Variants in PCDHGA7 observed in about 807,000 individuals in gnomAD.
PCDHGA7 encodes the protein protocadherin gamma subfamily A, 7.
Under a neutral mutation model 58.3 loss-of-function variants are expected in PCDHGA7, and 44 were observed. The observed-to-expected ratio is 0.75, with a 90% CI of 0.59 to 0.97. The LOEUF (loss-of-function observed/expected upper bound fraction) is 0.97. Ranked by LOEUF, PCDHGA7 falls within the 50% of genes least tolerant of loss-of-function variation. The probability of loss-of-function intolerance (pLI) is 0.00; values close to 1 mark genes in which losing one functional copy is unlikely to be tolerated. For missense variants in PCDHGA7, 1,266 were observed against 1,188.7 expected, an observed-to-expected ratio of 1.06 and a Z score of -0.96; for synonymous variants, 516 against 504.2, an observed-to-expected ratio of 1.02 and a Z score of -0.31.
intron 1 of PCDHGA7, chr5:141,408,622 A>C (rs1481022505): frequency 6.2e-7 from 1 of 1,614,070 alleles, no homozygotes; most frequent in Admixed American, 1.7e-5. Flanking sequence ...AAATACATTT[A>C]GAAATTTTCG....
At chr5:141,392,303 A>G (rs2092505903) in intron 1 of PCDHGA7, 1 of 151,852 alleles carries the variant, frequency 6.6e-6, no homozygotes, top group South Asian at 2.1e-4. Context: ...TGAAAGTATC[A>G]TGTTTTTTTT....
At chr5:141,447,938 T>G in intron 1 of PCDHGA7, among the ~76,000 whole-genome samples, 1 of 151,870 alleles carries the variant, frequency 6.6e-6, no homozygotes, top group Admixed American at 6.6e-5. Flanking sequence ...ATACAAAAAT[T>G]AGCTGGGCAT....
chr5:141,438,579 CATACATACATACATATAT>C (rs1303045573), intron 1 of PCDHGA7, among the ~76,000 whole-genome samples: 21 of 55,772 alleles, frequency 3.8e-4, no homozygotes, highest in Admixed American at 1.1e-3. Context: ...GATATACATA[CATACATACATACATATAT>C]ATATATATAT....
chr5:141,505,362 G>A (rs766427680), intron 2 of PCDHGA7, 31 bp from the exon 3 acceptor site: 1 of 1,613,966 alleles, frequency 6.2e-7, no homozygotes, highest in Non-Finnish European at 8.5e-7. Flanking sequence ...CGGCCTGGGA[G>A]TCTGTGCTCA....
rs758439978 is a variant in PCDHGA7 at position 141,415,219 on chromosome 5, T to C, written c.2424+29896T>C. ...CCAAGTCCTGGCGGACCTCGGCAGC[T>C]TCGAGTCTCCAGCTAACTCTGAAAC... On this transcript the variant is annotated intron_variant, in intron 1 of 3. Coordinates refer to ENST00000518325, the MANE Select transcript of PCDHGA7 (RefSeq NM_018920.4). 42 of 1,613,954 alleles carry C rather than the reference T, an allele frequency of 2.6e-5. No individual in the cohort carries two copies. Among genetic ancestry groups the C allele is most frequent in the South Asian group, 9.9e-5 (9 of 91,088 alleles).
At chr5:141,427,557 A>G (rs1437024906) in intron 1 of PCDHGA7, 1 of 650,060 alleles carries the variant, frequency 1.5e-6, no homozygotes, top group Non-Finnish European at 2.8e-6. Flanking sequence ...TGCCACTGAC[A>G]AGGGCAAGCC....
intron 1 of PCDHGA7, chr5:141,468,629 G>A (rs1170355107): frequency 1.3e-5 from 2 of 152,140 alleles, no homozygotes; most frequent in African/African-American, 4.8e-5. Flanking sequence ...CACTTTGGGA[G>A]GCCGAGGTGG....
Position 141,510,968 on chromosome 5 carries a change from C to A in PCDHGA7, c.2594C>A (p.Thr865Asn). 1 of 1,614,150 alleles carries A rather than the reference C, an allele frequency of 6.2e-7. No individual in the cohort carries two copies. The highest frequency in any genetic ancestry group is 8.5e-7 in the Non-Finnish European group (1 of 1,180,014). The change falls in exon 4 of 4, where the codon ACC becomes AAC. Residue 865 changes from threonine (T) to asparagine (N), a missense_variant. Transcript: ENST00000518325. ...SASEAADGSS[T>N]LGGGAGTMGL... ...GCAGAAGCTGCTGATGGGAGCTCCA[C>A]CCTGGGAGGGGGTGCCGGCACCATG...
At chr5:141,409,030 GAT>G in intron 1 of PCDHGA7, 1 of 1,614,010 alleles carries the variant, frequency 6.2e-7, no homozygotes, top group Non-Finnish European at 8.5e-7. Context: ...TCAATGCTGA[GAT>G]AAACTACTAC....
intron 1 of PCDHGA7, among the ~76,000 whole-genome samples, chr5:141,483,648 TTGTGTGTG>T (rs111458813): frequency 6.7e-6 from 1 of 149,592 alleles, no homozygotes; most frequent in Non-Finnish European, 1.5e-5. Flanking sequence ...GGGTGTGTGT[TTGTGTGTG>T]TGTGTGTGTG....
chr5:141,444,238 C>T (rs1011385887), intron 1 of PCDHGA7, among the ~76,000 whole-genome samples: 6 of 125,052 alleles, frequency 4.8e-5, no homozygotes, highest in Non-Finnish European at 9.4e-5. Context: ...ATGGCATGCT[C>T]TCGGCTCACT....
intron 1 of PCDHGA7, among the ~76,000 whole-genome samples, chr5:141,434,049 A>G (rs868088310): frequency 2.0e-5 from 3 of 152,116 alleles, no homozygotes; most frequent in Non-Finnish European, 2.9e-5. Flanking sequence ...ATTTTATTCA[A>G]TGGCCTGTAA....
At chr5:141,403,612 G>A (rs1314297922) in intron 1 of PCDHGA7, 1 of 1,613,854 alleles carries the variant, frequency 6.2e-7, no homozygotes, top group Non-Finnish European at 8.5e-7. Flanking sequence ...GCGGCGAGCC[G>A]CGTCGCTCCA....
intron 1 of PCDHGA7, among the ~76,000 whole-genome samples, chr5:141,458,871 T>C (rs2098955493): frequency 6.6e-6 from 1 of 152,210 alleles, no homozygotes; most frequent in African/African-American, 2.4e-5. Flanking sequence ...TAGCTGGGAC[T>C]ACAGGCATGC....
In PCDHGA7 at chr5:141,384,846, C is replaced by T; in HGVS notation, c.1947C>T (p.His649=). ...GCCTCGTGGTGGCCGTCCAGGACCA[C>T]GGTCAGCCTCCTCTGTCAGCCACCG... is the stretch of plus-strand genomic sequence containing the variant. ...KQSLVVAVQD[H]GQPPLSATVT... Residue 649 remains histidine, a synonymous_variant, in exon 1 of 4, where the codon CAC becomes CAT. Transcript: ENST00000518325. 1.2e-6 allele frequency: 2 copies of T among 1,613,586 alleles called. No individual in the cohort carries two copies. The highest frequency in any genetic ancestry group is 1.7e-6 in the Non-Finnish European group (2 of 1,179,910).
At chr5:141,470,227 C>A (rs1387947362) in intron 1 of PCDHGA7, among the ~76,000 whole-genome samples, 1 of 152,160 alleles carries the variant, frequency 6.6e-6, no homozygotes, top group Non-Finnish European at 1.5e-5. Flanking sequence ...AGCTTCTTCA[C>A]CAAACCCTTG....
rs530001704 is a variant in PCDHGA7, at chr5:141,434,708, ATC to A, written c.2424+49389_2424+49390del. 3.9e-3 allele frequency among the ~76,000 whole-genome samples: 589 copies of A among 152,052 alleles called. 6 individuals are homozygous for A. The highest frequency in any genetic ancestry group is 0.011 in the Admixed American group (170 of 15,250). ...TTGCTGTTAATAAATATGTGGGTAA[ATC>A]TCTGTTCAGGGCTCTCAGCTCTGAA... On this transcript the variant is annotated intron_variant, in intron 1 of 3. Coordinates refer to ENST00000518325, the MANE Select transcript of PCDHGA7 (RefSeq NM_018920.4).
chr5:141,508,062 C>T (rs910730855), intron 3 of PCDHGA7: 2 of 152,316 alleles, frequency 1.3e-5, no homozygotes, highest in African/African-American at 4.8e-5. Flanking sequence ...TAATCAGCCT[C>T]CTTGGGCTAC....
At chr5:141,415,740 G>GTTTTTTTTTTTTTTTGT (rs2095912649) in intron 1 of PCDHGA7, 1 of 515,998 alleles carries the variant, frequency 1.9e-6, no homozygotes, top group Non-Finnish European at 2.6e-6. Flanking sequence ...GTTTATTAAG[G>GTTTTTTTTTTTTTTTGT]TTTTTTTTTT....
Sources: gnomAD v4.1 joint callset for allele counts (sites outside exome capture counted in the v4.1 genomes callset) on GRCh38, gnomAD v4.1.1 for gene constraint, MANE v1.5 for transcripts, NCBI Gene and HGNC (gene_info 2026-07-23, HGNC 2026-07-21) for gene names.